The following CDH18 variants were observed in gnomAD, a reference collection of about 807,000 sequenced individuals.
CDH18 encodes cadherin 18.
Under a neutral mutation model 67.9 loss-of-function variants are expected in CDH18, and 31 were observed. That is an observed-to-expected ratio of 0.46 (90% CI 0.34 to 0.62). The LOEUF is 0.62. Among genes scored for constraint, CDH18 ranks in the 20% least tolerant of loss-of-function variants. CDH18 has a pLI of 0.01. For synonymous variants in CDH18, 362 were observed against 347.2 expected (o/e 1.04, Z -0.48); for missense variants, 890 against 975.5 (o/e 0.91, Z 1.17).
intron 11 of CDH18, among the ~76,000 whole-genome samples, chr5:19,493,541 T>G (rs1366326870): frequency 1.3e-4 from 10 of 79,410 alleles, no homozygotes; most frequent in South Asian, 5.0e-4. Flanking sequence ...AATTGGGGTG[T>G]GTGTGTGTGT....
chr5:19,742,840 A>T (rs578221804), intron 4 of CDH18, among the ~76,000 whole-genome samples: 9 of 152,234 alleles, frequency 5.9e-5, no homozygotes, highest in African/African-American at 2.2e-4. Flanking sequence ...TGATAAAAAA[A>T]GTAATTTTAT....
At chr5:19,900,778 C>T (rs1789864194) in intron 2 of CDH18, among the ~76,000 whole-genome samples, 1 of 151,982 alleles carries the variant, frequency 6.6e-6, no homozygotes, top group African/African-American at 2.4e-5. Context: ...ATTATTTGTT[C>T]TCCTGAGTTT....
chr5:19,581,125 T>A (rs1027239007), intron 7 of CDH18, among the ~76,000 whole-genome samples: 1 of 151,974 alleles, frequency 6.6e-6, no homozygotes, highest in African/African-American at 2.4e-5. Context: ...TCTGGCATAA[T>A]TTTTTACTTC....
chr5:19,574,817 C>T (rs1024778568), intron 7 of CDH18, among the ~76,000 whole-genome samples: 6 of 151,748 alleles, frequency 4.0e-5, no homozygotes, highest in Admixed American at 1.3e-4. Flanking sequence ...CCGAGGTGGG[C>T]GGATCACGAG....
At chr5:20,440,805 C>T (rs554229506) in intron 1 of CDH18, among the ~76,000 whole-genome samples, 1 of 152,134 alleles carries the variant, frequency 6.6e-6, no homozygotes, top group East Asian at 1.9e-4. Flanking sequence ...CATTGCTAGG[C>T]ACCCTGCCAT....
chr5:20,452,860 A>G (rs1750560549), intron 1 of CDH18, among the ~76,000 whole-genome samples: 1 of 152,210 alleles, frequency 6.6e-6, no homozygotes, highest in Admixed American at 6.5e-5. Flanking sequence ...ATGTATATGT[A>G]AAAAGCTAAT....
chr5:19,748,732 A>G (rs1214026021), intron 3 of CDH18, among the ~76,000 whole-genome samples: 1 of 152,160 alleles, frequency 6.6e-6, no homozygotes, highest in East Asian at 1.9e-4. Flanking sequence ...CTCTCAGAAG[A>G]CATTTGGAAA....
chr5:20,396,692 C>T (rs1384808345), intron 1 of CDH18, among the ~76,000 whole-genome samples: 4 of 152,030 alleles, frequency 2.6e-5, no homozygotes, highest in Non-Finnish European at 5.9e-5. Context: ...CATTTAGATG[C>T]ACTAAATTTT....
chr5:19,898,345 T>C (rs1377334627), intron 2 of CDH18, among the ~76,000 whole-genome samples: 1 of 47,374 alleles, frequency 2.1e-5, no homozygotes, highest in African/African-American at 7.4e-5. Context: ...ATCATTGTTC[T>C]TATAGTTAAA....
intron 11 of CDH18, among the ~76,000 whole-genome samples, chr5:19,497,985 G>A (rs1294325176): frequency 6.6e-6 from 1 of 152,174 alleles, no homozygotes. Context: ...TTACATCACA[G>A]CAAGGAGCAT....
At chr5:20,145,750 T>C (rs1021219459) in intron 2 of CDH18, among the ~76,000 whole-genome samples, 1 of 152,184 alleles carries the variant, frequency 6.6e-6, no homozygotes, top group Non-Finnish European at 1.5e-5. Context: ...TGACCACTCA[T>C]TAATTTTTAA....
chr5:20,012,533 A>G (rs1396725134), intron 2 of CDH18, among the ~76,000 whole-genome samples: 1 of 152,252 alleles, frequency 6.6e-6, no homozygotes, highest in African/African-American at 2.4e-5. Context: ...TGCAAGAAGA[A>G]TAAAACACCT....
chr5:19,810,145 C>G (rs752934633), intron 3 of CDH18, among the ~76,000 whole-genome samples: 3 of 151,904 alleles, frequency 2.0e-5, no homozygotes, highest in Non-Finnish European at 4.4e-5. Flanking sequence ...GCCTGGCCAA[C>G]ATGGTGAAAC....
intron 1 of CDH18, among the ~76,000 whole-genome samples, chr5:20,535,237 C>CT (rs1483529973): frequency 3.3e-5 from 5 of 152,144 alleles, no homozygotes; most frequent in Non-Finnish European, 5.9e-5. Flanking sequence ...GATTTGCTTG[C>CT]TGACTGTCAG....
chr5:19,510,192 A>G (rs1363708915), intron 10 of CDH18, among the ~76,000 whole-genome samples: 1 of 152,112 alleles, frequency 6.6e-6, no homozygotes, highest in Non-Finnish European at 1.5e-5. Flanking sequence ...TCTTATTCCA[A>G]CTCTGCATCA....
At chr5:20,163,485 T>A (rs1736052336) in intron 2 of CDH18, among the ~76,000 whole-genome samples, 2 of 152,210 alleles carry the variant, frequency 1.3e-5, no homozygotes, top group South Asian at 4.1e-4. Flanking sequence ...TAACAGAAAA[T>A]CTAATATTTT....
intron 2 of CDH18, among the ~76,000 whole-genome samples, chr5:19,846,905 G>A (rs527362073): frequency 1.0e-3 from 142 of 139,588 alleles, no homozygotes; most frequent in African/African-American, 3.5e-3. Flanking sequence ...ATTTTTTGTC[G>A]GCAAGATTTT....
chr5:20,265,982 A>G (rs915099914), intron 1 of CDH18, among the ~76,000 whole-genome samples: 2 of 152,212 alleles, frequency 1.3e-5, no homozygotes, highest in Admixed American at 6.5e-5. Context: ...GAAGCAGGGC[A>G]AATGCACCCT....
chr5:19,694,334 A>T (rs1369237935), intron 5 of CDH18, among the ~76,000 whole-genome samples: 2 of 152,170 alleles, frequency 1.3e-5, no homozygotes, highest in Admixed American at 1.3e-4. Context: ...AATTTCTATT[A>T]AGGGACCTGA....
Sources: allele counts gnomAD v4.1 joint callset (sites outside exome capture counted in the v4.1 genomes callset), GRCh38; gene constraint gnomAD v4.1.1; transcripts MANE v1.5; gene names NCBI Gene and HGNC (gene_info 2026-07-23, HGNC 2026-07-21).